THEMIS: variants seen among roughly 807,000 people sequenced by gnomAD.
THEMIS encodes protein THEMIS.
A neutral mutation model predicts 52.6 loss-of-function variants in THEMIS; 37 were observed. The ratio of observed to expected loss-of-function variants is 0.70; its 90% CI spans 0.54 to 0.93. THEMIS has a LOEUF of 0.93. THEMIS is among the 40% of genes least tolerant of loss of function. The probability of loss-of-function intolerance (pLI) is 0.00; values close to 1 mark genes in which losing one functional copy is unlikely to be tolerated. For missense variants in THEMIS, 808 were observed against 763.1 expected (o/e 1.06, Z -0.69); for synonymous variants, 292 against 272.7 (o/e 1.07, Z -0.70).
At chr6:127,811,856 A>G (rs916045271) in intron 4 of THEMIS, among the ~76,000 whole-genome samples, 7 of 152,218 alleles carry the variant, frequency 4.6e-5, no homozygotes, top group African/African-American at 1.7e-4. Context: ...GTCTGGGAAG[A>G]AAATTTCTGC....
intron 1 of THEMIS, among the ~76,000 whole-genome samples, chr6:127,909,548 G>T (rs370726278): frequency 6.6e-6 from 1 of 152,122 alleles, no homozygotes; most frequent in East Asian, 1.9e-4. Flanking sequence ...CAGCCCTGTG[G>T]AACTGTGAAT....
At chr6:127,716,856 T>A (rs536657115) in intron 5 of THEMIS, among the ~76,000 whole-genome samples, 10 of 151,908 alleles carry the variant, frequency 6.6e-5, no homozygotes, top group Admixed American at 2.6e-4. Flanking sequence ...CGTCAGGGCA[T>A]CCATGTCTCT....
At chr6:127,725,658 T>C (rs1015729782) in intron 4 of THEMIS, among the ~76,000 whole-genome samples, 1 of 152,140 alleles carries the variant, frequency 6.6e-6, no homozygotes, top group African/African-American at 2.4e-5. Flanking sequence ...TGATCATCCA[T>C]ATAGACAGTC....
upstream of THEMIS, among the ~76,000 whole-genome samples, chr6:127,905,960 TTTAAATGAAATAATTTAAATGTAA>T (rs1180999848): frequency 2.1e-5 from 3 of 145,392 alleles, no homozygotes; most frequent in Admixed American, 1.3e-4. Flanking sequence ...AATAATTACA[TTTAAATGAAATAATTTAAATGTAA>T]TTAAATGAAA....
rs577134663 is a variant in THEMIS, at chr6:127,892,348, A to G, written c.91+8494T>C. The stretch of plus-strand genomic sequence containing the variant: ...TTATTCAGGTCCCTGCTCAAATTTC[A>G]TCAGAGATAATCTGCCCCGGTCACC... On this transcript the variant is annotated intron_variant, in intron 1 of 5. Coordinates refer to ENST00000368248, the MANE Select transcript of THEMIS (RefSeq NM_001010923.3). Among the ~76,000 whole-genome samples, 21 of 152,292 alleles carry G rather than the reference A, an allele frequency of 1.4e-4. No individual in the cohort carries two copies. The East Asian group carries it at 2.7e-3, about 20-fold the overall frequency.
upstream of THEMIS, among the ~76,000 whole-genome samples, chr6:127,904,955 ACT>A (rs141351259): frequency 6.6e-6 from 1 of 150,932 alleles, no homozygotes; most frequent in South Asian, 2.1e-4. Context: ...TTTCTCTCTC[ACT>A]CTCTCTCTCT....
intron 2 of THEMIS, among the ~76,000 whole-genome samples, chr6:127,849,713 C>T (rs74977141): frequency 0.024 from 3,580 of 151,970 alleles, 156 homozygotes; most frequent in African/African-American, 0.082. Flanking sequence ...GAAACTTGAT[C>T]CCCATTTCTC....
At chr6:127,751,351 T>C (rs183700289) in intron 4 of THEMIS, among the ~76,000 whole-genome samples, 67 of 151,834 alleles carry the variant, frequency 4.4e-4, no homozygotes, top group African/African-American at 1.5e-3. Context: ...GAAAAACCTT[T>C]AGCAGATACA....
intron 4 of THEMIS, among the ~76,000 whole-genome samples, chr6:127,783,377 A>C (rs577425685): frequency 1.3e-5 from 2 of 152,356 alleles, no homozygotes; most frequent in Admixed American, 1.3e-4. Context: ...ACAAAAGCCA[A>C]AATTGACAAA....
chr6:127,749,525 C>T lies in THEMIS; in HGVS notation c.1759-29702G>A, dbSNP rs138734361. ...TTTCATTTCTCCTTTACAATTTTTG[C>T]TGTGTGTGCTGTATGCCTTCATAGG... is the stretch of plus-strand genomic sequence containing the variant. On this transcript the variant is annotated intron_variant, in intron 4 of 5. Coordinates refer to ENST00000368248, the MANE Select transcript of THEMIS (RefSeq NM_001010923.3). Among the ~76,000 whole-genome samples the T allele has an allele frequency of 3.9e-4, 60 of 151,942 alleles. No individual in the cohort carries two copies. In the East Asian group the frequency reaches 8.1e-3, roughly 21 times the overall value.
chr6:127,872,291 G>T (rs1368808351), intron 1 of THEMIS, among the ~76,000 whole-genome samples: 1 of 152,224 alleles, frequency 6.6e-6, no homozygotes, highest in African/African-American at 2.4e-5. Flanking sequence ...AAACTCTTAC[G>T]CTGGGAGTGG....
chr6:127,755,055 T>G (rs180956447), intron 4 of THEMIS, among the ~76,000 whole-genome samples: 2 of 152,282 alleles, frequency 1.3e-5, no homozygotes, highest in African/African-American at 4.8e-5. Context: ...TGGCAGCTTA[T>G]TATTAGGGTA....
rs1773867436 is a variant in THEMIS, at chr6:127,708,524, G to T, written c.*1461C>A. The T allele has an allele frequency of 6.6e-6, 1 of 152,068 alleles. No homozygotes were observed. Among genetic ancestry groups the T allele is most frequent in the African/African-American group, 2.4e-5 (1 of 41,434 alleles). The allele number at this position is 152,068 out of a possible 1,614,324, so 9.4% of individuals were successfully genotyped here. ...TGAGTCTAAAAACACCTATGGTGCA[G>T]TTTGTCAAGGCTGTTAGGTTAAGAT... On this transcript the variant is annotated 3_prime_UTR_variant, in exon 6 of 6. Transcript: ENST00000368248.
chr6:127,708,299 T>C lies in THEMIS; in HGVS notation c.*1686A>G, dbSNP rs1773858970. 6.6e-6 allele frequency: 1 copy of C among 152,116 alleles called. No homozygotes were observed. Among genetic ancestry groups the C allele is most frequent in the African/African-American group, 2.4e-5 (1 of 41,436 alleles). The allele number at this position is 152,116 out of a possible 1,614,324, so 9.4% of individuals were successfully genotyped here. On this transcript the variant is annotated 3_prime_UTR_variant, in exon 6 of 6. Coordinates refer to ENST00000368248, the MANE Select transcript of THEMIS (RefSeq NM_001010923.3). ...TATCAAGACAACTGGAAACACAGTA[T>C]GTGAAAGGACTTATATTTAGAAATG...
At chr6:127,806,707 C>A (rs188848880) in intron 4 of THEMIS, among the ~76,000 whole-genome samples, 1 of 152,098 alleles carries the variant, frequency 6.6e-6, no homozygotes, top group African/African-American at 2.4e-5. Flanking sequence ...TCAATTATAC[C>A]AACTCAGCTA....
chr6:127,845,961 T>C (rs910338862), intron 2 of THEMIS, among the ~76,000 whole-genome samples: 1 of 151,940 alleles, frequency 6.6e-6, no homozygotes, highest in East Asian at 1.9e-4. Context: ...TCTGGCTAAC[T>C]GAGGCTCTAC....
At chr6:127,737,082 G>A (rs1414362245) in intron 4 of THEMIS, among the ~76,000 whole-genome samples, 3 of 152,130 alleles carry the variant, frequency 2.0e-5, no homozygotes, top group Non-Finnish European at 4.4e-5. Flanking sequence ...AGGAGACTGT[G>A]ACTTGTGTTT....
At chr6:127,738,572 C>T (rs1381403486) in intron 4 of THEMIS, among the ~76,000 whole-genome samples, 1 of 152,158 alleles carries the variant, frequency 6.6e-6, no homozygotes, top group Non-Finnish European at 1.5e-5. Context: ...ACGACCTTGA[C>T]GATTATTCTG....
chr6:127,843,836 G>A (rs1047393938), intron 2 of THEMIS, among the ~76,000 whole-genome samples: 4 of 151,948 alleles, frequency 2.6e-5, no homozygotes, highest in African/African-American at 9.7e-5. Flanking sequence ...CCTATGGAGA[G>A]GACCATGTGG....
Sources: gnomAD v4.1 joint callset for allele counts (sites outside exome capture counted in the v4.1 genomes callset) on GRCh38, gnomAD v4.1.1 for gene constraint, MANE v1.5 for transcripts, NCBI Gene and HGNC (gene_info 2026-07-23, HGNC 2026-07-21) for gene names.